Variants in ZSWIM2 observed in about 807,000 individuals in gnomAD.
ZSWIM2 encodes the protein E3 ubiquitin-protein ligase ZSWIM2.
Under a neutral mutation model 48.4 loss-of-function variants are expected in ZSWIM2, and 38 were observed. That is an observed-to-expected ratio of 0.79 (90% CI 0.61 to 1.03). The LOEUF is 1.03. Ranked by LOEUF, ZSWIM2 falls within the 50% of genes least tolerant of loss-of-function variation. ZSWIM2 has a pLI of 0.00. For synonymous variants in ZSWIM2, 240 were observed against 251.3 expected, an observed-to-expected ratio of 0.96 and a Z score of 0.42; for missense variants, 776 against 730.2, an observed-to-expected ratio of 1.06 and a Z score of -0.72.
chr2:186,837,313 A>C lies in ZSWIM2; in HGVS notation c.736T>G (p.Cys246Gly). 1 of 1,612,628 alleles carries C rather than the reference A, an allele frequency of 6.2e-7. No homozygotes were observed. Among genetic ancestry groups the C allele is most frequent in the Non-Finnish European group, 8.5e-7 (1 of 1,179,068 alleles). ...NCKQFPIEGKCYKCTECIEYH... is the reference protein window; with the variant it reads ...NCKQFPIEGKGYKCTECIEYH... ...TTTACGGATAACACTTACTTATAACACTTCCCCTCAATTGGAAACTGTTTG... is the reference window on the plus strand; with the variant it reads ...TTTACGGATAACACTTACTTATAACCCTTCCCCTCAATTGGAAACTGTTTG... Residue 246 changes from cysteine (C) to glycine (G), a missense_variant, in exon 5 of 9, where the codon TGT becomes GGT. Transcript: ENST00000295131.
At position 186,839,092 on chromosome 2, in the gene ZSWIM2, G is replaced by T; in HGVS notation, c.361C>A (p.Pro121Thr). The T allele has an allele frequency of 6.2e-7, 1 of 1,611,698 alleles. No individual in the cohort carries two copies. Among genetic ancestry groups the T allele is most frequent in the Non-Finnish European group, 8.5e-7 (1 of 1,178,418 alleles). The change falls in exon 4 of 9, where the codon CCA becomes ACA. Residue 121 changes from proline to threonine, a missense_variant. Pro to Thr is a conservative substitution (Grantham distance 38, BLOSUM62 -1). Transcript: ENST00000295131. ...TGTTCATTTTCGTCATTTGTTCCTG[G>T]TTGGGGAGTTTGAACTCGATGTATC... Reference protein sequence around the residue: ...RGIHRVQTPQPGTNDENEHVE... With the variant: ...RGIHRVQTPQTGTNDENEHVE...
rs774971582 is a variant in ZSWIM2 at position 186,833,085 on chromosome 2, C to A, written c.941+35G>T. 5 of 944,528 alleles carry A rather than the reference C, an allele frequency of 5.3e-6. No individual in the cohort carries two copies. The East Asian group carries it at 1.1e-4, about 21-fold the overall frequency. 58.5% of individuals were successfully genotyped at this position (944,528 alleles called of 1,614,324 possible). On this transcript the variant is annotated intron_variant, in intron 7 of 8. Transcript: ENST00000295131. ...TTGAGAAGTTATTCAAAGATTCTGT[C>A]ATACAACAAATATAAAATTTACTGG...
At chr2:186,829,227 GCTTT>G (rs1351881235) in intron 8 of ZSWIM2, among the ~76,000 whole-genome samples, 1 of 152,000 alleles carries the variant, frequency 6.6e-6, no homozygotes, top group African/African-American at 2.4e-5. Context: ...TATTACTGAA[GCTTT>G]GTTTGTTTAC....
At position 186,828,025 on chromosome 2, in the gene ZSWIM2, T is replaced by A. The variant is rs780530290; in HGVS notation, c.1861A>T (p.Ser621Cys). Residue 621 changes from serine (S) to cysteine (C), a missense_variant, in exon 9 of 9, where the codon AGT (serine) becomes TGT (cysteine). Coordinates refer to ENST00000295131, the MANE Select transcript of ZSWIM2 (RefSeq NM_182521.3). ...TCTATTATTAAAGATAGCTCAGTACTTTTTGTATTTACAGAGTGAGACACA... is the reference window on the plus strand; with the variant it reads ...TCTATTATTAAAGATAGCTCAGTACATTTTGTATTTACAGAGTGAGACACA... ...QPVSHSVNTK[S>C]TELSLIIEGV... 1 of 1,609,720 alleles carries A rather than the reference T, an allele frequency of 6.2e-7. No individual in the cohort carries two copies. The highest frequency in any genetic ancestry group is 8.5e-7 in the Non-Finnish European group (1 of 1,178,556).
intron 7 of ZSWIM2, 58 bp downstream of exon 7, chr2:186,833,062 G>A: frequency 1.4e-6 from 1 of 712,576 alleles, no homozygotes; most frequent in Non-Finnish European, 2.2e-6. Context: ...TATTCAAATT[G>A]AGAAGTTATT....
chr2:186,847,277 G>A (rs562418115), intron 2 of ZSWIM2, among the ~76,000 whole-genome samples: 2 of 152,002 alleles, frequency 1.3e-5, no homozygotes, highest in African/African-American at 2.4e-5. Context: ...AGGCCAATAC[G>A]GAAAAGGTGA....
At chr2:186,835,520 T>G (rs1691777649) in intron 5 of ZSWIM2, among the ~76,000 whole-genome samples, 2 of 152,304 alleles carry the variant, frequency 1.3e-5, no homozygotes, top group Admixed American at 1.3e-4. Flanking sequence ...TTAACACCAA[T>G]GGGTTGGACA....
chr2:186,828,502 A>G lies in ZSWIM2; in HGVS notation c.1384T>C (p.Tyr462His), dbSNP rs762312865. The G allele has an allele frequency of 1.2e-6, 2 of 1,613,462 alleles. No individual in the cohort carries two copies. The highest frequency in any genetic ancestry group is 1.7e-6 in the Non-Finnish European group (2 of 1,179,674). ...LNTPQSPKDA[Y>H]ENTTIDNLCS... is the part of the protein sequence containing the mutation. ...AGATTATCTATTGTTGTATTTTCAT[A>G]GGCATCTTTTGGGCTTTGAGGTGTA... The change falls in exon 9 of 9, where the codon TAT becomes CAT. Residue 462 changes from tyrosine to histidine, a missense_variant. Physicochemically the swap from Tyr to His is moderately conservative, Grantham distance 83. Transcript: ENST00000295131.
intron 2 of ZSWIM2, among the ~76,000 whole-genome samples, chr2:186,847,021 A>G (rs1053204563): frequency 2.0e-5 from 3 of 151,778 alleles, no homozygotes; most frequent in Non-Finnish European, 4.4e-5. Flanking sequence ...CAGAGACTAC[A>G]AAAACTGGGA....
chr2:186,840,088 A>G (rs1691877481), intron 3 of ZSWIM2, among the ~76,000 whole-genome samples: 1 of 151,664 alleles, frequency 6.6e-6, no homozygotes, highest in Non-Finnish European at 1.5e-5. Flanking sequence ...CATCACAGTT[A>G]CATTTCAATA....
chr2:186,839,232 A>G (rs1691860341), intron 3 of ZSWIM2, 63 bp from the exon 4 acceptor site: 1 of 1,433,684 alleles, frequency 7.0e-7, no homozygotes, highest in Non-Finnish European at 9.6e-7. Flanking sequence ...AGAGGTAACA[A>G]CTTATGCTGA....
rs10203986 is a variant in ZSWIM2, at chr2:186,848,789, C to T, written c.165+177G>A. 49 of 749,152 alleles carry T rather than the reference C, an allele frequency of 6.5e-5. No homozygotes were observed. The African/African-American group carries it at 8.2e-4, about 13-fold the overall frequency. The allele number at this position is 749,152 out of a possible 1,614,324, so 46.4% of individuals were successfully genotyped here. On this transcript the variant is annotated intron_variant, in intron 1 of 8. Transcript: ENST00000295131. ...AAGAAACTTCTAATAAATACTATTT[C>T]CTTCTGTAATTTCACGTATTTTAGA...
chr2:186,839,267 CAGAG>C (rs1158253602), intron 3 of ZSWIM2, 98 bp from the exon 4 acceptor site: 2 of 1,095,422 alleles, frequency 1.8e-6, no homozygotes, highest in African/African-American at 1.6e-5. Flanking sequence ...TTTCAAATAT[CAGAG>C]AGACAGTTTT....
intron 2 of ZSWIM2, among the ~76,000 whole-genome samples, chr2:186,846,265 G>A (rs993767706): frequency 2.6e-5 from 4 of 151,724 alleles, no homozygotes; most frequent in Admixed American, 6.6e-5. Context: ...GAATCTATAA[G>A]GAACTGAAAC....
intron 3 of ZSWIM2, among the ~76,000 whole-genome samples, chr2:186,841,938 A>G (rs1574141782): frequency 6.6e-6 from 1 of 151,474 alleles, no homozygotes; most frequent in Admixed American, 6.6e-5. Flanking sequence ...TATTGTATTT[A>G]AAAGGAACTA....
At chr2:186,829,643 G>T in intron 8 of ZSWIM2, 84 bp downstream of exon 8, 1 of 1,437,092 alleles carries the variant, frequency 7.0e-7, no homozygotes, top group Non-Finnish European at 9.5e-7. Flanking sequence ...CAACTCAAAA[G>T]TAAAAGGACA....
At chr2:186,834,132 A>T (rs1450836782) in intron 5 of ZSWIM2, 102 bp from the exon 6 acceptor site, 77 of 804,158 alleles carry the variant, frequency 9.6e-5, no homozygotes. Flanking sequence ...AACAATCCAA[A>T]CATGACAAGG....
chr2:186,832,240 G>C (rs112210549), intron 7 of ZSWIM2, among the ~76,000 whole-genome samples: 1 of 151,292 alleles, frequency 6.6e-6, no homozygotes, highest in South Asian at 2.1e-4. Context: ...TCAGCCTCCC[G>C]AGTAGCTGGG....
At position 186,828,788 on chromosome 2, in the gene ZSWIM2, A is replaced by G; in HGVS notation, c.1098T>C (p.Phe366=). 1 of 1,509,636 alleles carries G rather than the reference A, an allele frequency of 6.6e-7. No individual in the cohort carries two copies. Among genetic ancestry groups the G allele is most frequent in the Non-Finnish European group, 8.8e-7 (1 of 1,131,512 alleles). The allele number at this position is 1,509,636 out of a possible 1,614,324, so 93.5% of individuals were successfully genotyped here. The change falls in exon 9 of 9, where the codon TTT becomes TTC. Residue 366 remains phenylalanine (F), a splice_region_variant and synonymous_variant. Transcript: ENST00000295131. ...HTRLLPCTHK[F]HRKCIDNWLF... The stretch of plus-strand genomic sequence containing the variant: ...ACCAGTTGTCAATACACTTCCTGTG[A>G]AACTTTAAAAAAAAGGTAAGCTAAT...
Sources: gnomAD v4.1 joint callset for allele counts (sites outside exome capture counted in the v4.1 genomes callset) on GRCh38, gnomAD v4.1.1 for gene constraint, MANE v1.5 for transcripts, NCBI Gene and HGNC (gene_info 2026-07-23, HGNC 2026-07-21) for gene names.